The following RGPD1 variants were observed in gnomAD, a reference collection of about 807,000 sequenced individuals.
The protein encoded by RGPD1 is RANBP2-like and GRIP domain-containing protein 1.
A neutral mutation model predicts 40.6 loss-of-function variants in RGPD1; 7 were observed. The ratio of observed to expected loss-of-function variants is 0.17; its 90% CI spans 0.10 to 0.32. RGPD1 has a LOEUF of 0.32. RGPD1 is among the 10% of genes least tolerant of loss of function. The pLI is 1.00. For synonymous variants in RGPD1, 24 were observed against 167.0 expected (o/e 0.14, Z 6.60); for missense variants, 50 against 472.5 (o/e 0.11, Z 8.29).
intron 1 of RGPD1, among the ~76,000 whole-genome samples, chr2:86,931,995 A>G (rs535151709): frequency 1.0e-4 from 15 of 148,586 alleles, no homozygotes; most frequent in African/African-American, 2.9e-4. Context: ...TATTATATAT[A>G]TATGTCTATA....
intron 1 of RGPD1, among the ~76,000 whole-genome samples, chr2:86,918,366 GA>G (rs886179696): frequency 7.0e-6 from 1 of 142,284 alleles, no homozygotes; most frequent in Non-Finnish European, 1.5e-5. Flanking sequence ...GGGTCACTCT[GA>G]AAAAAAATCA....
intron 1 of RGPD1, among the ~76,000 whole-genome samples, chr2:86,935,746 CAAAA>C (rs942636013): frequency 2.4e-5 from 3 of 123,786 alleles, no homozygotes; most frequent in East Asian, 2.6e-4. Context: ...TAAAATGTCT[CAAAA>C]AAAAGCTATG....
At chr2:86,931,514 A>G (rs1220501708) in intron 1 of RGPD1, among the ~76,000 whole-genome samples, 1 of 151,902 alleles carries the variant, frequency 6.6e-6, no homozygotes, top group African/African-American at 2.4e-5. Context: ...GACAGTAGTC[A>G]TTAAGTGACT....
intron 1 of RGPD1, among the ~76,000 whole-genome samples, chr2:86,924,333 T>G (rs1362593409): frequency 1.3e-5 from 2 of 151,126 alleles, no homozygotes; most frequent in Non-Finnish European, 3.0e-5. Flanking sequence ...TTTTTGTATT[T>G]TTAGTAGAGA....
At chr2:86,914,226 C>T (rs1677621446) in intron 1 of RGPD1, among the ~76,000 whole-genome samples, 1 of 97,962 alleles carries the variant, frequency 1.0e-5, no homozygotes, top group Non-Finnish European at 2.1e-5. Flanking sequence ...GCGGCGGCCT[C>T]GGCCTGGCCG....
rs924407973 is a variant in RGPD1, at chr2:86,915,090, G to A, written c.72+1169G>A. On this transcript the variant is annotated intron_variant, in intron 1 of 22. Transcript: ENST00000398193. ...GCAGGTGGATCGCTTGAGGTCGGTCGTTCGAGACCAGCCTGGCCAACGTGG... is the reference window on the plus strand; with the variant it reads ...GCAGGTGGATCGCTTGAGGTCGGTCATTCGAGACCAGCCTGGCCAACGTGG... Among the ~76,000 whole-genome samples the A allele has an allele frequency of 3.7e-4, 56 of 150,208 alleles. 1 individual carries two copies. The highest frequency in any genetic ancestry group is 2.7e-4 in the Admixed American group (4 of 15,060).
intron 1 of RGPD1, among the ~76,000 whole-genome samples, chr2:86,947,670 T>C (rs1573618164): frequency 1.5e-5 from 2 of 137,490 alleles, no homozygotes. Context: ...TTTCTCTTAT[T>C]CTCCTCTTTT....
chr2:86,960,361 A>C (rs1680888713), intron 6 of RGPD1, among the ~76,000 whole-genome samples: 1 of 54,178 alleles, frequency 1.8e-5, no homozygotes, highest in Non-Finnish European at 3.3e-5. Flanking sequence ...AGTAGCTGGG[A>C]CTACAGGCGC....
Position 87,010,990 on chromosome 2 carries a change from TTAA to T in RGPD1, c.5237-1517_5237-1515del, listed in dbSNP as rs1371762373. ...GAGAGGTGAACACGTTACGCAATTA[TTAA>T]TAATATCCCTGTGGGAAGGGGCTTT... On this transcript the variant is annotated intron_variant, in intron 22 of 22. Transcript: ENST00000641458. The T allele has an allele frequency of 2.1e-5, 4 of 192,924 alleles. 1 individual carries two copies. In the East Asian group the frequency reaches 5.2e-4, roughly 25 times the overall value. 12.0% of individuals were successfully genotyped at this position (192,924 alleles called of 1,614,324 possible). A position where few individuals can be genotyped will look rare whatever the true frequency, so the allele number is the denominator to read the frequency against.
At chr2:86,918,250 T>A in intron 1 of RGPD1, among the ~76,000 whole-genome samples, 1 of 143,760 alleles carries the variant, frequency 7.0e-6, no homozygotes, top group African/African-American at 2.5e-5. Flanking sequence ...CCCAGTAACA[T>A]CCTTACAGGC....
At chr2:86,941,179 TTA>T (rs1239771424), upstream of RGPD1, among the ~76,000 whole-genome samples, 2 of 152,112 alleles carry the variant, frequency 1.3e-5, no homozygotes, top group East Asian at 3.8e-4. Context: ...ATGTGAGCTT[TTA>T]AAATCTAAAA....
At chr2:86,928,809 AATGTTAGTTGAAAT>A (rs1340752027) in intron 1 of RGPD1, among the ~76,000 whole-genome samples, 1 of 152,176 alleles carries the variant, frequency 6.6e-6, no homozygotes, top group African/African-American at 2.4e-5. Flanking sequence ...AGCTGATTGA[AATGTTAGTTGAAAT>A]GAATGATACC....
chr2:86,944,037 G>A (rs1680140105), intron 1 of RGPD1, among the ~76,000 whole-genome samples: 1 of 151,922 alleles, frequency 6.6e-6, no homozygotes, highest in African/African-American at 2.4e-5. Context: ...ACCAAAAAAC[G>A]GAAACTCAAC....
intron 18 of RGPD1, 93 bp from the exon 19 acceptor site, chr2:86,984,661 A>G: frequency 2.1e-5 from 1 of 46,732 alleles, no homozygotes; most frequent in Non-Finnish European, 3.2e-5. Flanking sequence ...TTTAATTTCT[A>G]TTGCTTTTGT....
upstream of RGPD1, among the ~76,000 whole-genome samples, chr2:86,937,391 T>TA (rs1232359127): frequency 1.3e-5 from 2 of 151,646 alleles, no homozygotes; most frequent in African/African-American, 4.9e-5. Context: ...AGTTTGACTA[T>TA]AGGTTAGTCA....
At chr2:86,930,162 C>T in intron 1 of RGPD1, 2 of 1,453,534 alleles carry the variant, frequency 1.4e-6, no homozygotes, top group African/African-American at 1.4e-5. Context: ...CAGGGGTCAC[C>T]CCTGCCCCAG....
chr2:86,925,824 C>G (rs1678449982), intron 1 of RGPD1, among the ~76,000 whole-genome samples: 1 of 152,256 alleles, frequency 6.6e-6, no homozygotes, highest in South Asian at 2.1e-4. Context: ...CCCATTTCAG[C>G]CTCCCAGAGT....
At chr2:86,935,518 C>G (rs2104731299) in intron 1 of RGPD1, among the ~76,000 whole-genome samples, 1 of 104,300 alleles carries the variant, frequency 9.6e-6, no homozygotes, top group Admixed American at 9.8e-5. Flanking sequence ...AAAGTATCAA[C>G]TTTTTAAACT....
rs1437810330 is a variant in RGPD1, at chr2:86,918,331, G to C, written c.72+4410G>C. 2.0e-5 allele frequency among the ~76,000 whole-genome samples: 3 copies of C among 149,284 alleles called. No individual in the cohort carries two copies. In the East Asian group the frequency reaches 5.9e-4, roughly 30 times the overall value. On this transcript the variant is annotated intron_variant, in intron 1 of 22. Coordinates refer to the RGPD1 transcript ENST00000398193. ...TTGGTGATCTCCTTCTAGCTTTGGA[G>C]ATCACTCCCAGGACAACTTTGCCTG... is the stretch of plus-strand genomic sequence containing the variant.
Sources: allele counts gnomAD v4.1 joint callset (sites outside exome capture counted in the v4.1 genomes callset), GRCh38; gene constraint gnomAD v4.1.1; transcripts MANE v1.5; gene names NCBI Gene and HGNC (gene_info 2026-07-23, HGNC 2026-07-21).